TMEM108: variants seen among roughly 807,000 people sequenced by gnomAD.
The protein encoded by TMEM108 is cancer/testis antigen 124.
Under a neutral mutation model 35.1 loss-of-function variants are expected in TMEM108, and 12 were observed. The ratio of observed to expected loss-of-function variants is 0.34; its 90% confidence interval spans 0.22 to 0.55. The LOEUF is 0.55. TMEM108 is among the 20% of genes least tolerant of loss of function. The pLI, the probability that TMEM108 is intolerant of heterozygous loss-of-function variation, is 0.89. For synonymous variants in TMEM108, 287 were observed against 308.6 expected, an observed-to-expected ratio of 0.93 and a Z score of 0.73; for missense variants, 680 against 753.3, an observed-to-expected ratio of 0.90 and a Z score of 1.14.
intron 2 of TMEM108, among the ~76,000 whole-genome samples, chr3:133,077,793 G>A (rs1380216649): frequency 2.6e-5 from 4 of 152,094 alleles, no homozygotes; most frequent in South Asian, 2.1e-4. Context: ...TGGTCCATTC[G>A]AGAAAGGACT....
intron 2 of TMEM108, among the ~76,000 whole-genome samples, chr3:133,122,036 C>G (rs973855824): frequency 6.6e-6 from 1 of 152,062 alleles, no homozygotes; most frequent in Non-Finnish European, 1.5e-5. Flanking sequence ...TTGCAGCTTT[C>G]TGTATTTTTC....
At chr3:133,377,996 C>G (rs1412252796) in intron 3 of TMEM108, among the ~76,000 whole-genome samples, 2 of 48,110 alleles carry the variant, frequency 4.2e-5, no homozygotes, top group South Asian at 6.0e-4. Context: ...AAAACCATAC[C>G]CCCCCCGACC....
chr3:133,057,835 G>A (rs535858564), intron 2 of TMEM108, among the ~76,000 whole-genome samples: 5 of 152,226 alleles, frequency 3.3e-5, no homozygotes, highest in African/African-American at 9.6e-5. Context: ...GGCTGGCAAC[G>A]GGAGCTTCTG....
chr3:133,200,119 C>T (rs1034648771), intron 2 of TMEM108, among the ~76,000 whole-genome samples: 3 of 152,132 alleles, frequency 2.0e-5, no homozygotes, highest in East Asian at 3.9e-4. Context: ...GTTGGAAAAG[C>T]GCAGTATTAG....
intron 3 of TMEM108, among the ~76,000 whole-genome samples, chr3:133,306,190 G>C (rs1042864693): frequency 2.6e-5 from 4 of 152,160 alleles, no homozygotes; most frequent in Admixed American, 6.5e-5. Context: ...CCAACACAGA[G>C]TCACAAAGAT....
chr3:133,073,965 GAAA>G (rs1943710051), intron 2 of TMEM108, among the ~76,000 whole-genome samples: 3 of 151,878 alleles, frequency 2.0e-5, no homozygotes, highest in Admixed American at 2.0e-4. Context: ...CTTCTTTTGG[GAAA>G]TAGCTCTTCA....
rs114330088 is a variant in TMEM108 at position 133,286,621 on chromosome 3, G to A, written c.40+57270G>A. On this transcript the variant is annotated intron_variant, in intron 3 of 5. Transcript: ENST00000321871. Reference sequence around the variant, plus strand: ...CAGATTGCTGGTATTACAGCTATGAGCCACTGCACCAGGCCCATACTCAGC... The same window carrying A: ...CAGATTGCTGGTATTACAGCTATGAACCACTGCACCAGGCCCATACTCAGC... Among the ~76,000 whole-genome samples, 287 of 152,324 alleles carry A rather than the reference G, an allele frequency of 1.9e-3. 2 individuals are homozygous for A. Among genetic ancestry groups the A allele is most frequent in the African/African-American group, 6.6e-3 (273 of 41,568 alleles).
At chr3:133,078,256 G>T (rs943414197) in intron 2 of TMEM108, among the ~76,000 whole-genome samples, 2 of 151,730 alleles carry the variant, frequency 1.3e-5, no homozygotes, top group African/African-American at 4.9e-5. Context: ...GGACGACAGG[G>T]CATATACCTC....
chr3:133,391,305 T>C (rs531182807), intron 5 of TMEM108, among the ~76,000 whole-genome samples: 1 of 152,276 alleles, frequency 6.6e-6, no homozygotes, highest in South Asian at 2.1e-4. Flanking sequence ...TCAACTAGGA[T>C]GCAATTGAGA....
intron 2 of TMEM108, among the ~76,000 whole-genome samples, chr3:133,196,084 A>G (rs1486960933): frequency 1.3e-5 from 2 of 152,220 alleles, no homozygotes; most frequent in Non-Finnish European, 2.9e-5. Context: ...AGCTGTTGGT[A>G]AGCCATTGGC....
At chr3:133,094,820 G>GT (rs142963319) in intron 2 of TMEM108, among the ~76,000 whole-genome samples, 12,845 of 151,228 alleles carry the variant, frequency 0.085, 725 homozygotes, top group Middle Eastern at 0.22. Flanking sequence ...ACTTTATCTT[G>GT]TTTTTTTTTA....
rs149750723 is a variant in TMEM108, at chr3:133,160,821, C to G, written c.-46-68445C>G. ...GTCCAGCACCACCTTTGGTTCCAAG[C>G]CTTTGTCCTTGTGCAATTTTGTAGA... On this transcript the variant is annotated intron_variant, in intron 2 of 5. Coordinates refer to ENST00000321871, the MANE Select transcript of TMEM108 (RefSeq NM_023943.4). 7.6e-3 allele frequency among the ~76,000 whole-genome samples: 1,155 copies of G among 152,222 alleles called. 13 individuals carry two copies. The highest frequency in any genetic ancestry group is 0.027 in the African/African-American group (1,102 of 41,506).
chr3:133,149,771 G>A (rs1209674583), intron 2 of TMEM108, among the ~76,000 whole-genome samples: 2 of 151,906 alleles, frequency 1.3e-5, no homozygotes, highest in Non-Finnish European at 2.9e-5. Flanking sequence ...ATATACATAA[G>A]GGAATACTAT....
chr3:133,047,169 G>A (rs565630847), intron 2 of TMEM108, among the ~76,000 whole-genome samples: 144 of 152,280 alleles, frequency 9.5e-4, no homozygotes, highest in Non-Finnish European at 1.9e-3. Flanking sequence ...TGAGCAGCCC[G>A]ATGCAGACTA....
intron 3 of TMEM108, among the ~76,000 whole-genome samples, chr3:133,242,557 A>G (rs1476694648): frequency 6.6e-6 from 1 of 152,212 alleles, no homozygotes; most frequent in Non-Finnish European, 1.5e-5. Context: ...TGCTATAGGC[A>G]TGTGAGCTTC....
chr3:133,254,837 G>C (rs1409649946), intron 3 of TMEM108, among the ~76,000 whole-genome samples: 1 of 152,166 alleles, frequency 6.6e-6, no homozygotes. Context: ...CATGTTGTCT[G>C]GGTCCTCAGC....
intron 2 of TMEM108, among the ~76,000 whole-genome samples, chr3:133,149,814 A>G (rs767475232): frequency 3.9e-5 from 6 of 152,194 alleles, no homozygotes; most frequent in Admixed American, 6.6e-5. Flanking sequence ...TACCAGATAC[A>G]TATACATAAG....
Position 133,038,650 on chromosome 3 carries a change from G to A in TMEM108, c.-166+215G>A, listed in dbSNP as rs181939560. Among the ~76,000 whole-genome samples the A allele has an allele frequency of 1.7e-3, 266 of 152,336 alleles. 2 individuals carry two copies. Among genetic ancestry groups the A allele is most frequent in the African/African-American group, 6.3e-3 (261 of 41,594 alleles). On this transcript the variant is annotated intron_variant, in intron 1 of 5. Transcript: ENST00000321871. ...CCCACTGCGTGACGGGTCTGCCCGA[G>A]GGGAGTTGCCCACCTGGCAGCCCTG...
chr3:133,266,499 C>T (rs1408298932), intron 3 of TMEM108, among the ~76,000 whole-genome samples: 2 of 152,116 alleles, frequency 1.3e-5, no homozygotes, highest in Admixed American at 6.5e-5. Context: ...AGTGTTGTTT[C>T]GTCATAGTGT....
Sources: gnomAD v4.1 joint callset for allele counts (sites outside exome capture counted in the v4.1 genomes callset) on GRCh38, gnomAD v4.1.1 for gene constraint, MANE v1.5 for transcripts, NCBI Gene and HGNC (gene_info 2026-07-23, HGNC 2026-07-21) for gene names.